Variants in MGST2 observed in about 807,000 individuals in gnomAD.
MGST2 encodes the protein microsomal glutathione S-transferase 2, also known as glutathione peroxidase MGST2.
MGST2 carries 9 observed loss-of-function variants against 16.6 expected under a neutral mutation model. The observed-to-expected ratio is 0.54, with a 90% CI of 0.33 to 0.95. MGST2 has a LOEUF of 0.95. MGST2 is among the 40% of genes least tolerant of loss of function. The pLI, the probability that MGST2 is intolerant of heterozygous loss-of-function variation, is 0.03. For synonymous variants in MGST2, 79 were observed against 68.0 expected, an observed-to-expected ratio of 1.16 and a Z score of -0.79; for missense variants, 159 against 175.1, an observed-to-expected ratio of 0.91 and a Z score of 0.52.
intron 5 of MGST2, among the ~76,000 whole-genome samples, chr4:139,729,463 A>G (rs1239312805): frequency 6.6e-6 from 1 of 152,152 alleles, no homozygotes; most frequent in African/African-American, 2.4e-5. Context: ...CTATTTCTTT[A>G]AGAAAAAATT....
rs576627105 is a variant in MGST2, at chr4:139,703,601, C to T, written c.311+65C>T. On this transcript the variant is annotated intron_variant, in intron 4 of 4. Transcript: ENST00000265498. Reference sequence around the variant, plus strand: ...AGCAGGATAAGGTCTGGGTCAGTTTCCTTCTCCTGAGAGATATTAACAGCA... The same window carrying T: ...AGCAGGATAAGGTCTGGGTCAGTTTTCTTCTCCTGAGAGATATTAACAGCA... The T allele has an allele frequency of 1.2e-5, 17 of 1,449,320 alleles. No homozygotes were observed. In the South Asian group the frequency reaches 1.8e-4, roughly 16 times the overall value. The allele number at this position is 1,449,320 out of a possible 1,614,324, so 89.8% of individuals were successfully genotyped here.
In MGST2 at chr4:139,728,589, G is replaced by T. The variant is rs75949157; in HGVS notation, c.*49-11623G>T. 4.7e-3 allele frequency among the ~76,000 whole-genome samples: 709 copies of T among 152,296 alleles called. 8 individuals carry two copies. Among genetic ancestry groups the T allele is most frequent in the African/African-American group, 0.016 (666 of 41,558 alleles). On this transcript the variant is annotated intron_variant, in intron 5 of 5. Transcript: ENST00000616265. Reference sequence around the variant, plus strand: ...GACAAATCTTGGCCCTGAGGAAAGTGATCCTCCCCTCATCCCTCATCATCT... The same window carrying T: ...GACAAATCTTGGCCCTGAGGAAAGTTATCCTCCCCTCATCCCTCATCATCT...
At chr4:139,680,323 G>C (rs1731173256) in intron 2 of MGST2, among the ~76,000 whole-genome samples, 1 of 151,974 alleles carries the variant, frequency 6.6e-6, no homozygotes, top group South Asian at 2.1e-4. Flanking sequence ...TTTTCCCTAG[G>C]GTTAATAATT....
intron 5 of MGST2, among the ~76,000 whole-genome samples, chr4:139,732,639 A>T (rs1728773372): frequency 6.7e-6 from 1 of 150,206 alleles, no homozygotes; most frequent in Non-Finnish European, 1.5e-5. Flanking sequence ...ACTTAAAATT[A>T]AAAAAAAAAT....
chr4:139,745,248 A>G (rs1262046342), downstream of MGST2, among the ~76,000 whole-genome samples: 3 of 152,130 alleles, frequency 2.0e-5, no homozygotes, highest in African/African-American at 7.2e-5. Flanking sequence ...GGCCATGGAC[A>G]GATCTGCATG....
chr4:139,674,468 G>GTTT (rs569060254), intron 1 of MGST2, among the ~76,000 whole-genome samples: 2 of 144,460 alleles, frequency 1.4e-5, no homozygotes, highest in African/African-American at 5.1e-5. Context: ...GAGCTATGTA[G>GTTT]TTTTTTTTTT....
At chr4:139,689,004 A>G in intron 2 of MGST2, among the ~76,000 whole-genome samples, 1 of 149,672 alleles carries the variant, frequency 6.7e-6, no homozygotes. Context: ...GCTACTTGGG[A>G]GCTGAGGCAG....
At chr4:139,741,335 G>C (rs1729159331), downstream of MGST2, among the ~76,000 whole-genome samples, 1 of 152,192 alleles carries the variant, frequency 6.6e-6, no homozygotes, top group South Asian at 2.1e-4. Context: ...CTGACCCTGG[G>C]CCTTGCATCC....
chr4:139,739,679 G>GTTTCTTTTTTTTTTTTTTTT lies in MGST2; in HGVS notation c.*49-530_*49-529insCTTTTTTTTTTTTTTTTTTT. 1.5e-5 allele frequency among the ~76,000 whole-genome samples: 2 copies of GTTTCTTTTTTTTTTTTTTTT among 132,358 alleles called. 1 individual carries two copies. The highest frequency in any genetic ancestry group is 4.7e-4 in the South Asian group (2 of 4,278). 86.8% of individuals were successfully genotyped at this position (132,358 alleles called of 152,430 possible). On this transcript the variant is annotated intron_variant, in intron 5 of 5. Coordinates refer to the MGST2 transcript ENST00000616265. ...TTAAGAAAGGCAGGGGAGGAAAGCA[G>GTTTCTTTTTTTTTTTTTTTT]TTTTTTTTTTTTTTTCTTTTATGTC... is the stretch of plus-strand genomic sequence containing the variant.
chr4:139,700,485 A>G (rs1018427583), intron 3 of MGST2, among the ~76,000 whole-genome samples: 12 of 152,134 alleles, frequency 7.9e-5, no homozygotes, highest in Non-Finnish European at 1.8e-4. Context: ...TAAGATTTAC[A>G]GGATTTAAAG....
chr4:139,734,810 G>GAA (rs1390062684), intron 5 of MGST2, among the ~76,000 whole-genome samples: 17 of 152,272 alleles, frequency 1.1e-4, no homozygotes, highest in Non-Finnish European at 2.4e-4. Context: ...CCTTGCTGGC[G>GAA]GCGAACCAAA....
intron 1 of MGST2, among the ~76,000 whole-genome samples, chr4:139,668,428 A>C (rs1018968760): frequency 3.9e-5 from 6 of 152,256 alleles, no homozygotes; most frequent in Non-Finnish European, 7.3e-5. Context: ...CCATTTCAAA[A>C]TATGACAAAG....
intron 2 of MGST2, among the ~76,000 whole-genome samples, chr4:139,681,350 G>T (rs1441925994): frequency 6.6e-6 from 1 of 152,006 alleles, no homozygotes; most frequent in East Asian, 1.9e-4. Context: ...TCTTCCCCCA[G>T]ATTTCCTCTC....
At chr4:139,688,628 G>T (rs562506354) in intron 2 of MGST2, among the ~76,000 whole-genome samples, 9 of 151,978 alleles carry the variant, frequency 5.9e-5, no homozygotes, top group African/African-American at 2.2e-4. Context: ...TGGAGAAAAA[G>T]AAAATTTACA....
Position 139,730,276 on chromosome 4 carries a change from TTC to T in MGST2, c.*49-9932_*49-9931del, listed in dbSNP as rs1728646508. 3 of 743,900 alleles carry T rather than the reference TTC, an allele frequency of 4.0e-6. No homozygotes were observed. In the South Asian group the frequency reaches 5.2e-5, roughly 13 times the overall value. 46.1% of individuals were successfully genotyped at this position (743,900 alleles called of 1,614,324 possible). Reference sequence around the variant, plus strand: ...AATTGAAAGGTCTAAATTCTTCAGGTTCTCTTGTGATCCTGGGAAATGCTAGA... The same window carrying T: ...AATTGAAAGGTCTAAATTCTTCAGGTTCTTGTGATCCTGGGAAATGCTAGA... On this transcript the variant is annotated intron_variant, in intron 5 of 5. Coordinates refer to the MGST2 transcript ENST00000616265.
intron 2 of MGST2, chr4:139,685,296 T>C (rs1731500819): frequency 6.3e-6 from 1 of 158,706 alleles, no homozygotes; most frequent in Admixed American, 6.5e-5. Flanking sequence ...TGACTGAGCA[T>C]GCAGCTTTGG....
intron 2 of MGST2, 79 bp from the exon 3 acceptor site, chr4:139,695,118 T>C: frequency 9.9e-7 from 1 of 1,012,278 alleles, no homozygotes; most frequent in African/African-American, 1.6e-5. Context: ...AGGCTGAACA[T>C]TTACCTCTAG....
At chr4:139,704,385 A>T (rs531538545), downstream of MGST2, 60 of 522,560 alleles carry the variant, frequency 1.1e-4, no homozygotes, top group Non-Finnish European at 1.9e-4. Context: ...TGCTGAAGTC[A>T]TGACCGGTTG....
Position 139,679,275 on chromosome 4 carries a change from T to C in MGST2, c.158+633T>C, listed in dbSNP as rs1275285486. Among the ~76,000 whole-genome samples the C allele has an allele frequency of 2.0e-5, 3 of 152,334 alleles. No homozygotes were observed. The East Asian group carries it at 5.8e-4, about 29-fold the overall frequency. On this transcript the variant is annotated intron_variant, in intron 2 of 4. Transcript: ENST00000265498. ...AATACGTGCTTTAAGAAACATTTCA[T>C]GCGTCACCACTGATATATCATTGGG...
Sources: allele counts gnomAD v4.1 joint callset (sites outside exome capture counted in the v4.1 genomes callset), GRCh38; gene constraint gnomAD v4.1.1; transcripts MANE v1.5; gene names NCBI Gene and HGNC (gene_info 2026-07-23, HGNC 2026-07-21).